The following ZNF331 variants were observed in gnomAD, a reference collection of about 807,000 sequenced individuals.
ZNF331 encodes the protein C2H2-like zinc finger protein rearranged in thyroid adenomas.
ZNF331 carries 2 observed loss-of-function variants against 7.0 expected under a neutral mutation model. The observed-to-expected ratio is 0.29, with a 90% CI of 0.12 to 0.90. ZNF331 has a LOEUF of 0.90. Ranked by LOEUF, ZNF331 falls within the 40% of genes least tolerant of loss-of-function variation. The pLI is 0.58. For missense variants in ZNF331, 432 were observed against 587.7 expected (o/e 0.74, Z 2.74); for synonymous variants, 196 against 205.4 (o/e 0.95, Z 0.39).
In ZNF331 at chr19:53,578,184, G is replaced by T; in HGVS notation, c.*232G>T. On this transcript the variant is annotated 3_prime_UTR_variant, in exon 6 of 6. Transcript: ENST00000449416. Reference sequence around the variant, plus strand: ...GGTCCAGCACATCCACGCTGTATACGCCACCCACCCTGCTAGTGACTTAGT... The same window carrying T: ...GGTCCAGCACATCCACGCTGTATACTCCACCCACCCTGCTAGTGACTTAGT... 2.0e-6 allele frequency: 1 copy of T among 505,644 alleles called. No homozygotes were observed. The highest frequency in any genetic ancestry group is 3.5e-6 in the Non-Finnish European group (1 of 284,134). The allele number at this position is 505,644 out of a possible 1,614,324, so 31.3% of individuals were successfully genotyped here. A position where few individuals can be genotyped will look rare whatever the true frequency, so the allele number is the denominator to read the frequency against.
chr19:53,522,245 T>C (rs1398872891), intron 1 of ZNF331, among the ~76,000 whole-genome samples: 1 of 144,126 alleles, frequency 6.9e-6, no homozygotes, highest in Non-Finnish European at 1.5e-5. Flanking sequence ...TGTGCCCTAT[T>C]TTCTTTCTTT....
At chr19:53,544,559 A>C (rs904891455) in intron 2 of ZNF331, among the ~76,000 whole-genome samples, 1 of 151,458 alleles carries the variant, frequency 6.6e-6, no homozygotes, top group Admixed American at 6.6e-5. Context: ...AAAAAAAAAA[A>C]GAATCAATAT....
chr19:53,540,177 A>T (rs1287403097), intron 2 of ZNF331, among the ~76,000 whole-genome samples: 1 of 152,080 alleles, frequency 6.6e-6, no homozygotes, highest in Non-Finnish European at 1.5e-5. Context: ...CACACTCCTT[A>T]ATTTATTCTT....
At chr19:53,576,007 A>ATTTT (rs1568549683) in intron 5 of ZNF331, among the ~76,000 whole-genome samples, 1 of 146,996 alleles carries the variant, frequency 6.8e-6, no homozygotes, top group African/African-American at 2.5e-5. Context: ...GTTTTGAGAC[A>ATTTT]GAGTTTCATG....
chr19:53,517,498 A>G (rs1026281842), upstream of ZNF331, among the ~76,000 whole-genome samples: 2 of 152,198 alleles, frequency 1.3e-5, no homozygotes, highest in Non-Finnish European at 2.9e-5. Flanking sequence ...TGTGATAAGC[A>G]CTTGACATCT....
chr19:53,505,535 A>T, the ZNF331 span, among the ~76,000 whole-genome samples: 1 of 152,204 alleles, frequency 6.6e-6, no homozygotes, highest in African/African-American at 2.4e-5. Flanking sequence ...CAAGGATTTA[A>T]GTCACCAACG....
chr19:53,534,821 A>G (rs1443857549), upstream of ZNF331, among the ~76,000 whole-genome samples: 1 of 152,114 alleles, frequency 6.6e-6, no homozygotes, highest in Non-Finnish European at 1.5e-5. Flanking sequence ...GCCTTGTAAC[A>G]TAACATATTC....
chr19:53,529,575 C>CT (rs2147259905), intron 2 of ZNF331, among the ~76,000 whole-genome samples: 1 of 152,258 alleles, frequency 6.6e-6, no homozygotes, highest in South Asian at 2.1e-4. Context: ...GCATGTGAAT[C>CT]TTTATCTCCA....
intron 2 of ZNF331, chr19:53,555,418 G>A (rs980515687): frequency 5.2e-5 from 8 of 152,728 alleles, no homozygotes; most frequent in South Asian, 2.0e-4. Context: ...GGGTGACGCA[G>A]GTGTGTGTGA....
intron 2 of ZNF331, among the ~76,000 whole-genome samples, chr19:53,552,496 T>C (rs945561365): frequency 7.9e-5 from 12 of 151,950 alleles, no homozygotes; most frequent in African/African-American, 2.9e-4. Context: ...AGGAGGCAGA[T>C]TGCTTGAGCT....
chr19:53,556,242 CAAAAA>C (rs1160118053), intron 3 of ZNF331, among the ~76,000 whole-genome samples: 2 of 84,940 alleles, frequency 2.4e-5, no homozygotes, highest in Admixed American at 1.4e-4. Context: ...GACTCCATCT[CAAAAA>C]AAAAAAAAAA....
At chr19:53,536,197 T>C (rs2087740856), upstream of ZNF331, 1 of 152,180 alleles carries the variant, frequency 6.6e-6, no homozygotes, top group South Asian at 2.1e-4. Context: ...TTTATGAAAA[T>C]GGATTGAGAT....
rs73587711 is a variant in ZNF331 at position 53,558,717 on chromosome 19, A to C, written c.-74+2809A>C. On this transcript the variant is annotated intron_variant, in intron 3 of 5. Coordinates refer to ENST00000449416, the MANE Select transcript of ZNF331 (RefSeq NM_001079906.2). The surrounding 1 kb of genome is among the most constrained non-coding windows in gnomAD (Gnocchi z 4.5). ...TTCTGCTTCCCGAGGCCTGCTTCTG[A>C]GGCTGAAAGTGCCCTAATATTAAGA... Among the ~76,000 whole-genome samples, 365 of 151,964 alleles carry C rather than the reference A, an allele frequency of 2.4e-3. 1 individual carries two copies. Among genetic ancestry groups the C allele is most frequent in the African/African-American group, 8.5e-3 (351 of 41,376 alleles).
chr19:53,546,642 A>G (rs10418924), intron 2 of ZNF331, among the ~76,000 whole-genome samples: 21,054 of 152,062 alleles, frequency 0.14, 2,608 homozygotes, highest in African/African-American at 0.34. Context: ...GTGGAGTCAA[A>G]CACAGATATC....
In ZNF331 at chr19:53,579,142, G is replaced by C. The variant is rs919598482; in HGVS notation, c.*1190G>C. ...TTACAGAATATCAGAAGTCATTCTAGAGGCAAATTTGAAGAGTGGAAAAAT... is the reference window on the plus strand; with the variant it reads ...TTACAGAATATCAGAAGTCATTCTACAGGCAAATTTGAAGAGTGGAAAAAT... On this transcript the variant is annotated 3_prime_UTR_variant, in exon 6 of 6. Coordinates refer to ENST00000449416, the MANE Select transcript of ZNF331 (RefSeq NM_001079906.2). 4.9e-6 allele frequency: 1 copy of C among 202,542 alleles called. No individual in the cohort carries two copies. The highest frequency in any genetic ancestry group is 2.3e-5 in the African/African-American group (1 of 43,600). 12.5% of individuals were successfully genotyped at this position (202,542 alleles called of 1,614,324 possible). A position where few individuals can be genotyped will look rare whatever the true frequency, so the allele number is the denominator to read the frequency against.
chr19:53,538,626 AT>A (rs1442583759), intron 1 of ZNF331: 1 of 153,106 alleles, frequency 6.5e-6, no homozygotes, highest in East Asian at 1.9e-4. Context: ...AGGGGCGCAG[AT>A]GTGTCTCAGG....
chr19:53,564,373 G>A (rs1467182483), intron 3 of ZNF331, among the ~76,000 whole-genome samples: 1 of 151,774 alleles, frequency 6.6e-6, no homozygotes, highest in African/African-American at 2.4e-5. Flanking sequence ...TCTGCCTCCC[G>A]GGTCCCAGCG....
In ZNF331 at chr19:53,576,579, A is replaced by T. The variant is rs74660347; in HGVS notation, c.137-118A>T. 1.2e-3 allele frequency: 1,005 copies of T among 829,788 alleles called. 17 individuals are homozygous for T. The East Asian group carries it at 0.02, about 16-fold the overall frequency. The allele number at this position is 829,788 out of a possible 1,614,324, so 51.4% of individuals were successfully genotyped here. On this transcript the variant is annotated intron_variant, in intron 5 of 5. Transcript: ENST00000449416. The stretch of plus-strand genomic sequence containing the variant: ...TACATTTTAACAAGAGCCCTGGGTG[A>T]TTCACATTTATTCTACTGGATAATT...
At chr19:53,551,309 A>G (rs1223933848) in intron 2 of ZNF331, among the ~76,000 whole-genome samples, 1 of 152,190 alleles carries the variant, frequency 6.6e-6, no homozygotes, top group Non-Finnish European at 1.5e-5. Context: ...ATATGTTTAT[A>G]GTCCTCCACT....
Sources: allele counts gnomAD v4.1 joint callset (sites outside exome capture counted in the v4.1 genomes callset), GRCh38; gene constraint gnomAD v4.1.1; non-coding constraint Gnocchi (gnomAD v3.1); transcripts MANE v1.5; gene names NCBI Gene and HGNC (gene_info 2026-07-23, HGNC 2026-07-21).